The following DOP1B variants were observed in gnomAD, a reference collection of about 807,000 sequenced individuals.
DOP1B encodes protein DOP1B.
DOP1B carries 174 observed loss-of-function variants against 233.5 expected under a neutral mutation model. That is an observed-to-expected ratio of 0.75 (90% CI 0.66 to 0.85). DOP1B has a LOEUF of 0.85. Ranked by LOEUF, DOP1B falls within the 40% of genes least tolerant of loss-of-function variation. DOP1B has a pLI of 0.00. For synonymous variants in DOP1B, 1,190 were observed against 1,185.6 expected (o/e 1.00, Z -0.08); for missense variants, 2,652 against 2,846.6 (o/e 0.93, Z 1.56).
At chr21:36,254,989 AC>A (rs1321446533) in intron 23 of DOP1B, among the ~76,000 whole-genome samples, 1 of 140,302 alleles carries the variant, frequency 7.1e-6, no homozygotes. Context: ...TCACTCTGTC[AC>A]CCAGGCTGGA....
rs893709774 is a variant in DOP1B at position 36,249,575 on chromosome 21, C to A, written c.4998+1007C>A. Among the ~76,000 whole-genome samples, 5 of 152,146 alleles carry A rather than the reference C, an allele frequency of 3.3e-5. No homozygotes were observed. In the East Asian group the frequency reaches 9.6e-4, roughly 29 times the overall value. Reference sequence around the variant, plus strand: ...TTTAGCGGTGCCTGTCAAACATGGCCCCATCAGAGTGGAATGTCAGGGTGC... The same window carrying A: ...TTTAGCGGTGCCTGTCAAACATGGCACCATCAGAGTGGAATGTCAGGGTGC... On this transcript the variant is annotated intron_variant, in intron 21 of 36. Transcript: ENST00000691173.
chr21:36,292,327 G>A (rs967091811), intron 36 of DOP1B, 94 bp downstream of exon 36: 35 of 966,812 alleles, frequency 3.6e-5, no homozygotes, highest in Middle Eastern at 3.4e-4. Context: ...TGCGGTCTTC[G>A]CTTACTGCAG....
intron 7 of DOP1B, 101 bp from the exon 8 acceptor site, chr21:36,213,980 G>C: frequency 1.9e-6 from 2 of 1,025,878 alleles, no homozygotes; most frequent in Non-Finnish European, 2.9e-6. Context: ...TCCATCAGAA[G>C]AATGATATTT....
chr21:36,264,803 T>A (rs577935594), intron 26 of DOP1B, among the ~76,000 whole-genome samples: 1 of 152,240 alleles, frequency 6.6e-6, no homozygotes, highest in African/African-American at 2.4e-5. Context: ...CTTAAACGCC[T>A]TATCCCCCAT....
intron 18 of DOP1B, among the ~76,000 whole-genome samples, chr21:36,243,398 T>G (rs2066915740): frequency 6.6e-6 from 1 of 151,010 alleles, no homozygotes; most frequent in Non-Finnish European, 1.5e-5. Context: ...TAGGCAGTGG[T>G]CAGTGGCCTA....
In DOP1B at chr21:36,214,495, C is replaced by T. The variant is rs2066538113; in HGVS notation, c.1068C>T (p.Arg356=). The T allele has an allele frequency of 6.2e-7, 1 of 1,613,806 alleles. No homozygotes were observed. Among genetic ancestry groups the T allele is most frequent in the Non-Finnish European group, 8.5e-7 (1 of 1,179,990 alleles). The change falls in exon 9 of 37, where the codon CGC becomes CGT. Residue 356 remains arginine (R), a synonymous_variant. Transcript: ENST00000691173. The part of the protein sequence containing the change: ...QKFIDADVEE[R]HHAYLKPFRV... Reference sequence around the variant, plus strand: ...TCATAGATGCTGACGTGGAGGAACGCCATCATGCATACCTGAAGCCTTTTC... The same window carrying T: ...TCATAGATGCTGACGTGGAGGAACGTCATCATGCATACCTGAAGCCTTTTC...
intron 2 of DOP1B, among the ~76,000 whole-genome samples, chr21:36,167,222 G>C (rs1366502607): frequency 6.6e-6 from 1 of 152,058 alleles, no homozygotes; most frequent in Non-Finnish European, 1.5e-5. Flanking sequence ...ACCCAGGCTG[G>C]AGTGCAGTGA....
intron 32 of DOP1B, among the ~76,000 whole-genome samples, chr21:36,282,734 C>CA (rs1200297295): frequency 1.3e-5 from 2 of 152,002 alleles, no homozygotes; most frequent in Non-Finnish European, 2.9e-5. Context: ...CCAGCACTTT[C>CA]AGAGGCCAAG....
intron 21 of DOP1B, among the ~76,000 whole-genome samples, chr21:36,249,629 A>G (rs73202262): frequency 0.023 from 3,334 of 147,388 alleles, 59 homozygotes; most frequent in Non-Finnish European, 0.033. Context: ...AAAACGCACA[A>G]CTGTGAATAT....
At chr21:36,178,662 G>A (rs1006511847) in intron 2 of DOP1B, among the ~76,000 whole-genome samples, 4 of 152,146 alleles carry the variant, frequency 2.6e-5, no homozygotes, top group African/African-American at 9.7e-5. Flanking sequence ...AATACAGAAG[G>A]AACTAAGTTA....
intron 2 of DOP1B, among the ~76,000 whole-genome samples, chr21:36,174,961 T>TC (rs1159046149): frequency 6.6e-6 from 1 of 152,192 alleles, no homozygotes; most frequent in Non-Finnish European, 1.5e-5. Context: ...TTGTTTTGTT[T>TC]CACAGTTCTG....
rs769771725 is a variant in DOP1B, at chr21:36,200,467, C to G, written c.457C>G (p.Pro153Ala). The stretch of plus-strand genomic sequence containing the variant: ...GCAGGCCTTCATCGTGGGCCTGCTG[C>G]CCGGCCTTGAAGAGGGCTCCGAGAT... ...SLQAFIVGLL[P>A]GLEEGSEISD... Residue 153 changes from proline (P) to alanine (A), a missense_variant, in exon 4 of 37, where the codon CCC (proline) becomes GCC (alanine). By Grantham distance (27) the Pro-to-Ala change is conservative. Transcript: ENST00000691173. 1.9e-6 allele frequency: 3 copies of G among 1,611,772 alleles called. No homozygotes were observed. Among genetic ancestry groups the G allele is most frequent in the East Asian group, 2.2e-5 (1 of 44,844 alleles).
chr21:36,219,545 A>ATT, intron 10 of DOP1B, 53 bp downstream of exon 10: 3 of 1,531,346 alleles, frequency 2.0e-6, no homozygotes, highest in South Asian at 1.2e-5. Flanking sequence ...CGGTACTGTG[A>ATT]TTTTTTTTTT....
intron 2 of DOP1B, among the ~76,000 whole-genome samples, chr21:36,189,474 C>T (rs1386260475): frequency 6.6e-6 from 1 of 152,230 alleles, no homozygotes; most frequent in Non-Finnish European, 1.5e-5. Context: ...GTGGCTTACA[C>T]CTGTAATCCC....
intron 2 of DOP1B, 131 bp from the exon 3 acceptor site, chr21:36,198,939 T>C (rs2066325451): frequency 2.1e-6 from 2 of 941,190 alleles, no homozygotes; most frequent in Admixed American, 2.8e-5. Context: ...CTCTGCCCCT[T>C]TGTTGTGTAT....
chr21:36,245,184 G>A lies in DOP1B; in HGVS notation c.3204G>A (p.Trp1068Ter), dbSNP rs1377894797. The change falls in exon 19 of 37, where the codon TGG (tryptophan) becomes TGA (stop). Residue 1068 changes from tryptophan (W) to a stop codon, truncating the protein, a stop_gained. Coordinates refer to ENST00000691173, the MANE Select transcript of DOP1B (RefSeq NM_001320714.2). LOFTEE classifies it high-confidence loss of function. The surrounding 1 kb of genome is among the most constrained non-coding windows in gnomAD (Gnocchi z 5.5). ...CCACAGTGGACCGTGAAGCCATTTG[G>A]GCCGAAGTGGAGAAGGAGCCCGAGA... ...QFTTVDREAI[W>*]AEVEKEPEKY... The A allele has an allele frequency of 1.9e-6, 3 of 1,613,938 alleles. No individual in the cohort carries two copies. The highest frequency in any genetic ancestry group is 2.5e-6 in the Non-Finnish European group (3 of 1,180,042).
At chr21:36,200,212 ACCAGCAGTTTAAATGG>A (rs2066344882) in intron 3 of DOP1B, 103 bp from the exon 4 acceptor site, 1 of 1,331,640 alleles carries the variant, frequency 7.5e-7, no homozygotes, top group Non-Finnish European at 1.0e-6. Context: ...ACACATCGAA[ACCAGCAGTTTAAATGG>A]CCAGCTGTTT....
At chr21:36,181,115 G>A (rs902226359) in intron 2 of DOP1B, among the ~76,000 whole-genome samples, 5 of 152,146 alleles carry the variant, frequency 3.3e-5, no homozygotes, top group Admixed American at 6.5e-5. Context: ...CTATCAGTGT[G>A]TTAACCACGG....
Position 36,253,880 on chromosome 21 carries a change from AGGCCACCCCAAGTCAAAGGGG to A in DOP1B, c.5232_5252del (p.Arg1744_Gly1751delinsSer), listed in dbSNP as rs1569053679. On this transcript the variant is annotated inframe_deletion, in exon 23 of 37. Transcript: ENST00000691173. ...GCACCTGGTGAAGGAGGTGGTGAAG[AGGCCACCCCAAGTCAAAGGGG>A]GTGATGAGGTGAGGAGCCTGGGGAA... 1 of 1,613,870 alleles carries A rather than the reference AGGCCACCCCAAGTCAAAGGGG, an allele frequency of 6.2e-7. No individual in the cohort carries two copies. The highest frequency in any genetic ancestry group is 8.5e-7 in the Non-Finnish European group (1 of 1,179,982).
Sources: gnomAD v4.1 joint callset for allele counts (sites outside exome capture counted in the v4.1 genomes callset) on GRCh38, gnomAD v4.1.1 for gene constraint, Gnocchi (gnomAD v3.1) non-coding constraint, MANE v1.5 for transcripts, NCBI Gene and HGNC (gene_info 2026-07-23, HGNC 2026-07-21) for gene names.